EIF4E3: variants seen among roughly 807,000 people sequenced by gnomAD.
The protein encoded by EIF4E3 is eukaryotic translation initiation factor 4E type 3.
A neutral mutation model predicts 31.7 loss-of-function variants in EIF4E3; 26 were observed. That is an observed-to-expected ratio of 0.82 (90% CI 0.60 to 1.14). The LOEUF (loss-of-function observed/expected upper bound fraction) is 1.14. Ranked by LOEUF, EIF4E3 falls within the 50% of genes most tolerant of loss-of-function variation. EIF4E3 has a pLI of 0.00. For synonymous variants in EIF4E3, 128 were observed against 107.7 expected, an observed-to-expected ratio of 1.19 and a Z score of -1.17; for missense variants, 304 against 270.9, an observed-to-expected ratio of 1.12 and a Z score of -0.86.
chr3:71,692,806 G>A (rs943991851), intron 5 of EIF4E3, among the ~76,000 whole-genome samples: 2 of 151,806 alleles, frequency 1.3e-5, no homozygotes, highest in Non-Finnish European at 2.9e-5. Flanking sequence ...TGTTACGTAG[G>A]GTGGTTTTGA....
chr3:71,733,784 T>C (rs996497559), intron 1 of EIF4E3, among the ~76,000 whole-genome samples: 1 of 152,212 alleles, frequency 6.6e-6, no homozygotes, highest in South Asian at 2.1e-4. Context: ...TCTTAAGAGC[T>C]AAGTACACTA....
rs576253931 is a variant in EIF4E3, at chr3:71,678,934, C to G, written c.*5748G>C. ...TTATATAATCATTGAAATAAATTCT[C>G]CATGAGAATATATTCAAAGTCATGG... On this transcript the variant is annotated 3_prime_UTR_variant, in exon 7 of 7. Coordinates refer to ENST00000425534, the MANE Select transcript of EIF4E3 (RefSeq NM_001134651.2). The G allele has an allele frequency of 1.3e-5, 2 of 152,204 alleles. No individual in the cohort carries two copies. Among genetic ancestry groups the G allele is most frequent in the East Asian group, 3.9e-4 (2 of 5,184 alleles). 9.4% of individuals were successfully genotyped at this position (152,204 alleles called of 1,614,324 possible). A position where few individuals can be genotyped will look rare whatever the true frequency, so the allele number is the denominator to read the frequency against.
intron 1 of EIF4E3, among the ~76,000 whole-genome samples, chr3:71,721,454 A>AGG (rs2049547747): frequency 6.6e-6 from 1 of 152,178 alleles, no homozygotes; most frequent in Admixed American, 6.5e-5. Context: ...CAGGCAACAT[A>AGG]AGATGGTTTG....
chr3:71,724,547 A>AC (rs767823590), intron 1 of EIF4E3, among the ~76,000 whole-genome samples: 4 of 152,078 alleles, frequency 2.6e-5, no homozygotes, highest in African/African-American at 7.2e-5. Flanking sequence ...GCCATAATTC[A>AC]CCCCCTTCCT....
chr3:71,744,431 C>T (rs1461334467), intron 1 of EIF4E3, among the ~76,000 whole-genome samples: 1 of 152,098 alleles, frequency 6.6e-6, no homozygotes, highest in Non-Finnish European at 1.5e-5. Context: ...AGAGCATTTC[C>T]AGATACGTAA....
chr3:71,684,517 C>T lies in EIF4E3; in HGVS notation c.*165G>A, dbSNP rs563819259. 24 of 591,792 alleles carry T rather than the reference C, an allele frequency of 4.1e-5. No homozygotes were observed. The highest frequency in any genetic ancestry group is 3.6e-4 in the African/African-American group (19 of 53,158). 36.7% of individuals were successfully genotyped at this position (591,792 alleles called of 1,614,324 possible). On this transcript the variant is annotated 3_prime_UTR_variant, in exon 7 of 7. Coordinates refer to ENST00000425534, the MANE Select transcript of EIF4E3 (RefSeq NM_001134651.2). ...GGTAGAAACCCACACAATCTCCCCC[C>T]ACCCCACCTGCCACTTTGAGTCCTA...
At chr3:71,732,184 A>G (rs1315734099) in intron 1 of EIF4E3, among the ~76,000 whole-genome samples, 1 of 152,108 alleles carries the variant, frequency 6.6e-6, no homozygotes, top group East Asian at 1.9e-4. Context: ...AACACACCAT[A>G]TGTACTCATA....
intron 1 of EIF4E3, among the ~76,000 whole-genome samples, chr3:71,715,930 A>G (rs1441709249): frequency 1.3e-5 from 2 of 152,202 alleles, no homozygotes; most frequent in Non-Finnish European, 2.9e-5. Flanking sequence ...CTCCTGGTCT[A>G]TCTGGCTCTG....
chr3:71,731,548 C>T (rs1379565398), intron 1 of EIF4E3, among the ~76,000 whole-genome samples: 2 of 152,206 alleles, frequency 1.3e-5, no homozygotes, highest in African/African-American at 4.8e-5. Flanking sequence ...CTCTCTTGTC[C>T]ACCTTTGTCC....
chr3:71,696,110 C>T (rs2049132343), intron 4 of EIF4E3, among the ~76,000 whole-genome samples: 1 of 152,200 alleles, frequency 6.6e-6, no homozygotes. Flanking sequence ...AGGAAAGATC[C>T]TGCTTCCGAC....
In EIF4E3 at chr3:71,682,915, A is replaced by G. The variant is rs950389882; in HGVS notation, c.*1767T>C. On this transcript the variant is annotated 3_prime_UTR_variant, in exon 7 of 7. Transcript: ENST00000425534. ...CCTTTTTTCAATCAGAAAAATACTTATATTATAAAAAAGTTTTAATTCATG... is the reference window on the plus strand; with the variant it reads ...CCTTTTTTCAATCAGAAAAATACTTGTATTATAAAAAAGTTTTAATTCATG... 1 of 152,494 alleles carries G rather than the reference A, an allele frequency of 6.6e-6. No individual in the cohort carries two copies. 9.4% of individuals were successfully genotyped at this position (152,494 alleles called of 1,614,324 possible). A position where few individuals can be genotyped will look rare whatever the true frequency, so the allele number is the denominator to read the frequency against.
At chr3:71,691,669 C>T (rs993302675) in intron 5 of EIF4E3, among the ~76,000 whole-genome samples, 5 of 152,134 alleles carry the variant, frequency 3.3e-5, no homozygotes, top group Non-Finnish European at 5.9e-5. Flanking sequence ...TCAAACTGTA[C>T]ACATACGACG....
intron 4 of EIF4E3, among the ~76,000 whole-genome samples, chr3:71,695,774 CTTCCCCT>C (rs955772701): frequency 1.3e-5 from 2 of 152,178 alleles, no homozygotes; most frequent in Non-Finnish European, 2.9e-5. Flanking sequence ...CTGCCTAGCA[CTTCCCCT>C]TTGTCCATTT....
Position 71,690,069 on chromosome 3 carries a change from A to G in EIF4E3, c.569T>C (p.Val190Ala), listed in dbSNP as rs1264216684. ...VNASLVGEAT[V>A]LEKIYELLPH... is the part of the protein sequence containing the mutation. ...CAGAAGTTCATAGATCTTTTCTAAA[A>G]CAGTCGCTTCACCCACTAAAGAGGC... Residue 190 changes from valine (V) to alanine (A), a missense_variant, in exon 6 of 7, where the codon GTT becomes GCT. Transcript: ENST00000425534. The G allele has an allele frequency of 6.2e-7, 1 of 1,614,026 alleles. No homozygotes were observed. Among genetic ancestry groups the G allele is most frequent in the South Asian group, 1.1e-5 (1 of 91,072 alleles).
At chr3:71,690,640 C>T (rs769359429) in intron 5 of EIF4E3, among the ~76,000 whole-genome samples, 4 of 152,170 alleles carry the variant, frequency 2.6e-5, no homozygotes, top group South Asian at 2.1e-4. Flanking sequence ...GAGTGGTCAG[C>T]GCTATCTGCC....
chr3:71,732,288 G>C (rs996134440), intron 1 of EIF4E3, among the ~76,000 whole-genome samples: 2 of 152,134 alleles, frequency 1.3e-5, no homozygotes, highest in South Asian at 2.1e-4. Context: ...CCCTCACAGG[G>C]AATCAGTCAC....
downstream of EIF4E3, among the ~76,000 whole-genome samples, chr3:71,673,908 A>ATT (rs2048858666): frequency 7.3e-6 from 1 of 136,408 alleles, no homozygotes; most frequent in African/African-American, 2.8e-5. Flanking sequence ...TAATATAATA[A>ATT]TTATATATAT....
the EIF4E3 span, among the ~76,000 whole-genome samples, chr3:71,664,117 G>A: frequency 3.3e-5 from 5 of 152,240 alleles, 1 homozygote; most frequent in Middle Eastern, 0.01. Context: ...GGAGGATCAG[G>A]ACTTTATCTA....
At chr3:71,706,162 G>T (rs2049290219) in intron 2 of EIF4E3, among the ~76,000 whole-genome samples, 1 of 152,192 alleles carries the variant, frequency 6.6e-6, no homozygotes, top group South Asian at 2.1e-4. Context: ...GGGTTCCCAG[G>T]TCCTTTGGAG....
Sources: gnomAD v4.1 joint callset for allele counts (sites outside exome capture counted in the v4.1 genomes callset) on GRCh38, gnomAD v4.1.1 for gene constraint, MANE v1.5 for transcripts, NCBI Gene and HGNC (gene_info 2026-07-23, HGNC 2026-07-21) for gene names.